Variants in TGM7 observed in about 807,000 individuals in gnomAD.
TGM7 encodes the protein transglutaminase 7.
A neutral mutation model predicts 79.5 loss-of-function variants in TGM7; 74 were observed. That is an observed-to-expected ratio of 0.93 (90% CI 0.77 to 1.13). The LOEUF is 1.13. Among genes scored for constraint, TGM7 ranks in the 50% most tolerant of loss-of-function variants. The pLI is 0.00. For synonymous variants in TGM7, 354 were observed against 362.5 expected, an observed-to-expected ratio of 0.98 and a Z score of 0.27; for missense variants, 912 against 905.9, an observed-to-expected ratio of 1.01 and a Z score of -0.09.
chr15:43,288,126 A>G (rs751131843), intron 4 of TGM7, among the ~76,000 whole-genome samples: 1 of 152,222 alleles, frequency 6.6e-6, no homozygotes, highest in Non-Finnish European at 1.5e-5. Flanking sequence ...ATGTAGGGCC[A>G]CACGTGCCAG....
chr15:43,293,104 A>G lies in TGM7; in HGVS notation c.194-150T>C, dbSNP rs2042972294. Reference sequence around the variant, plus strand: ...CCGAGTGTCCTCAGGCAAACCATTTAAGACCCCCAGGCCTCCGTTTTTTAA... The same window carrying G: ...CCGAGTGTCCTCAGGCAAACCATTTGAGACCCCCAGGCCTCCGTTTTTTAA... On this transcript the variant is annotated intron_variant, in intron 2 of 12. Coordinates refer to ENST00000452443, the MANE Select transcript of TGM7 (RefSeq NM_052955.3). The G allele has an allele frequency of 9.6e-6, 11 of 1,144,600 alleles. No individual in the cohort carries two copies. The South Asian group carries it at 1.5e-4, about 16-fold the overall frequency. 70.9% of individuals were successfully genotyped at this position (1,144,600 alleles called of 1,614,324 possible).
chr15:43,296,405 A>G (rs1290849166), intron 1 of TGM7, among the ~76,000 whole-genome samples: 1 of 144,470 alleles, frequency 6.9e-6, no homozygotes, highest in African/African-American at 2.7e-5. Flanking sequence ...AGCCTGGGTG[A>G]CAGAGCGAGA....
rs755150028 is a variant in TGM7, at chr15:43,287,531, C to T, written c.687+10G>A. The T allele has an allele frequency of 4.3e-6, 7 of 1,613,226 alleles. No individual in the cohort carries two copies. In the African/African-American group the frequency reaches 9.3e-5, roughly 22 times the overall value. On this transcript the variant is annotated intron_variant, in intron 5 of 12. Coordinates refer to ENST00000452443, the MANE Select transcript of TGM7 (RefSeq NM_052955.3). ...ACTGTCCTCAGACGGCGGGAAGCAT[C>T]CATCCTTACCATGGCACTCACCACC...
At chr15:43,298,852 A>T (rs1206590599) in intron 1 of TGM7, among the ~76,000 whole-genome samples, 4 of 152,206 alleles carry the variant, frequency 2.6e-5, no homozygotes, top group Non-Finnish European at 5.9e-5. Context: ...CTTAAAAAAT[A>T]ATAATTTGTG....
At position 43,279,923 on chromosome 15, in the gene TGM7, C is replaced by A. The variant is rs1292586859; in HGVS notation, c.1380G>T (p.Met460Ile). The change falls in exon 10 of 13, where the codon ATG (methionine) becomes ATT (isoleucine). Residue 460 changes from methionine (M) to isoleucine (I), a missense_variant. Transcript: ENST00000452443. ...EGSPEERAVF[M>I]KASRKMLGPQ... ...GGCCCAGCATTTTCCGAGAAGCCTT[C>A]ATGAAGACAGCTCTCTCCTCAGGGG... is the stretch of plus-strand genomic sequence containing the variant. 6.2e-7 allele frequency: 1 copy of A among 1,614,144 alleles called. No individual in the cohort carries two copies.
chr15:43,292,354 G>T (rs955607046), intron 3 of TGM7, among the ~76,000 whole-genome samples: 3 of 152,148 alleles, frequency 2.0e-5, no homozygotes, highest in African/African-American at 7.2e-5. Context: ...TTGGCTTATT[G>T]TAGAGATTCA....
At chr15:43,282,124 G>T (rs777491070) in intron 8 of TGM7, 38 bp from the exon 9 acceptor site, 1 of 1,606,172 alleles carries the variant, frequency 6.2e-7, no homozygotes, top group East Asian at 2.2e-5. Context: ...GGGGCCAGGG[G>T]CAGCTGGTTG....
rs759500520 is a variant in TGM7 at position 43,284,833 on chromosome 15, G to T, written c.985C>A (p.Gln329Lys). Reference sequence around the variant, plus strand: ...TCTCACCATATTTTGTCTCGTTTCTGAGTTGACAGCATCTCGGCATTTCGG... The same window carrying T: ...TCTCACCATATTTTGTCTCGTTTCTTAGTTGACAGCATCTCGGCATTTCGG... ...YDRNAEMLSTQKRDKIWNFHV... is the reference protein window; with the variant it reads ...YDRNAEMLSTKKRDKIWNFHV... The change falls in exon 7 of 13, where the codon CAG becomes AAG. Residue 329 changes from glutamine (Q) to lysine (K), a missense_variant. Transcript: ENST00000452443. The T allele has an allele frequency of 6.2e-7, 1 of 1,614,166 alleles. No individual in the cohort carries two copies. Among genetic ancestry groups the T allele is most frequent in the Non-Finnish European group, 8.5e-7 (1 of 1,180,036 alleles).
intron 9 of TGM7, among the ~76,000 whole-genome samples, chr15:43,280,214 A>G (rs780600188): frequency 6.6e-6 from 1 of 152,182 alleles, no homozygotes; most frequent in Non-Finnish European, 1.5e-5. Context: ...GCAAGGACTC[A>G]GCACTGTTTT....
chr15:43,301,546 C>T (rs1295757814), intron 1 of TGM7, among the ~76,000 whole-genome samples: 1 of 150,688 alleles, frequency 6.6e-6, no homozygotes, highest in Non-Finnish European at 1.5e-5. Context: ...AGGAGAATCC[C>T]TTGAACTCAG....
rs1233514222 is a variant in TGM7, at chr15:43,279,764, C to T, written c.1539G>A (p.Gln513=). ...GQDLQLLLRI[Q]RVPDSTHPRG... ...GAGGGTGGGTGCTGTCTGGCACCCT[C>T]TGGATACGCAGCAGCAGCTGCAGGT... The change falls in exon 10 of 13, where the codon CAG becomes CAA. Residue 513 remains glutamine (Q), a synonymous_variant. Transcript: ENST00000452443. 2.0e-5 allele frequency: 33 copies of T among 1,614,038 alleles called. No homozygotes were observed. The highest frequency in any genetic ancestry group is 2.6e-5 in the Non-Finnish European group (31 of 1,180,060).
At position 43,292,785 on chromosome 15, in the gene TGM7, C is replaced by T; in HGVS notation, c.363G>A (p.Glu121=). 6.2e-7 allele frequency: 1 copy of T among 1,614,110 alleles called. No homozygotes were observed. The highest frequency in any genetic ancestry group is 8.5e-7 in the Non-Finnish European group (1 of 1,180,022). The change falls in exon 3 of 13, where the codon GAG becomes GAA. Residue 121 remains glutamate, a synonymous_variant. Coordinates refer to ENST00000452443, the MANE Select transcript of TGM7 (RefSeq NM_052955.3). Reference sequence around the variant, plus strand: ...CACTGTGACCTTGGCCCTGAGAGATCTCTATTTTCAGAGTGTAATGGCCAA... The same window carrying T: ...CACTGTGACCTTGGCCCTGAGAGATTTCTATTTTCAGAGTGTAATGGCCAA... ...AVIGHYTLKI[E]ISQGQGHSVT...
chr15:43,285,031 C>G, intron 6 of TGM7, 79 bp from the exon 7 acceptor site: 5 of 1,563,696 alleles, frequency 3.2e-6, no homozygotes, highest in Non-Finnish European at 4.4e-6. Context: ...TTGTAACTTT[C>G]AAGCTGGAGG....
At position 43,277,014 on chromosome 15, in the gene TGM7, G is replaced by T; in HGVS notation, c.1840-19C>A. The T allele has an allele frequency of 6.2e-7, 1 of 1,612,792 alleles. No individual in the cohort carries two copies. Among genetic ancestry groups the T allele is most frequent in the Non-Finnish European group, 8.5e-7 (1 of 1,179,544 alleles). On this transcript the variant is annotated intron_variant, in intron 11 of 12. Coordinates refer to ENST00000452443, the MANE Select transcript of TGM7 (RefSeq NM_052955.3). ...CAGACACCTGTGTGGAGAGAAGTCA[G>T]CAATCCCATGGGCAACTGGCCTCGC...
At chr15:43,287,223 T>C in intron 6 of TGM7, 57 bp downstream of exon 6, 2 of 1,556,922 alleles carry the variant, frequency 1.3e-6, no homozygotes, top group Non-Finnish European at 1.7e-6. Flanking sequence ...TGAGCCACAG[T>C]TAACTTCTCT....
At chr15:43,279,982 AT>A in intron 9 of TGM7, 31 bp from the exon 10 acceptor site, 1 of 1,598,006 alleles carries the variant, frequency 6.3e-7, no homozygotes, top group Non-Finnish European at 8.6e-7. Context: ...AGAGACATGC[AT>A]GGGGAGGGGT....
intron 1 of TGM7, among the ~76,000 whole-genome samples, chr15:43,296,383 C>A (rs2142421285): frequency 6.7e-6 from 1 of 149,344 alleles, no homozygotes; most frequent in Admixed American, 6.7e-5. Flanking sequence ...CGAGGTCACA[C>A]CACTGCACTC....
Position 43,299,459 on chromosome 15 carries a change from A to G in TGM7, c.10+2782T>C, listed in dbSNP as rs540735817. Among the ~76,000 whole-genome samples, 110 of 152,324 alleles carry G rather than the reference A, an allele frequency of 7.2e-4. 1 individual carries two copies. Among genetic ancestry groups the G allele is most frequent in the Middle Eastern group, 3.4e-3 (1 of 294 alleles). Reference sequence around the variant, plus strand: ...GGCAGGCTAATAAACATTTATTGAAATATTTTGACTTGTAGGGCTTCCTAA... The same window carrying G: ...GGCAGGCTAATAAACATTTATTGAAGTATTTTGACTTGTAGGGCTTCCTAA... On this transcript the variant is annotated intron_variant, in intron 1 of 12. Coordinates refer to ENST00000452443, the MANE Select transcript of TGM7 (RefSeq NM_052955.3).
intron 4 of TGM7, among the ~76,000 whole-genome samples, chr15:43,291,676 A>G (rs984865683): frequency 6.6e-6 from 1 of 152,232 alleles, no homozygotes; most frequent in Non-Finnish European, 1.5e-5. Context: ...CAGACTCATG[A>G]TACATTGATC....
Sources: gnomAD v4.1 joint callset for allele counts (sites outside exome capture counted in the v4.1 genomes callset) on GRCh38, gnomAD v4.1.1 for gene constraint, MANE v1.5 for transcripts, NCBI Gene and HGNC (gene_info 2026-07-23, HGNC 2026-07-21) for gene names.